WDR35: variants seen among roughly 807,000 people sequenced by gnomAD.
The protein encoded by WDR35 is WD repeat domain 35, also known as WD repeat-containing protein 35.
A neutral mutation model predicts 158.3 loss-of-function variants in WDR35; 118 were observed. That is an observed-to-expected ratio of 0.75 (90% confidence interval 0.64 to 0.87). The LOEUF (loss-of-function observed/expected upper bound fraction) is 0.87, where lower values mean the gene tolerates loss of function less well. Ranked by LOEUF, WDR35 falls within the 40% of genes least tolerant of loss-of-function variation. The pLI is 0.00. For missense variants in WDR35, 1,263 were observed against 1,405.8 expected (o/e 0.90, Z 1.62); for synonymous variants, 448 against 476.1 (o/e 0.94, Z 0.77).
At chr2:19,970,411 C>T (rs1672002453) in intron 8 of WDR35, among the ~76,000 whole-genome samples, 1 of 152,158 alleles carries the variant, frequency 6.6e-6, no homozygotes, top group African/African-American at 2.4e-5. Flanking sequence ...TAATGGACTG[C>T]ATTGTGGTAA....
rs990257046 is a variant in WDR35 at position 19,911,653 on chromosome 2, T to C, written c.*1905A>G. The C allele has an allele frequency of 7.9e-5, 12 of 152,198 alleles. No homozygotes were observed. Among genetic ancestry groups the C allele is most frequent in the African/African-American group, 2.7e-4 (11 of 41,444 alleles). 9.4% of individuals were successfully genotyped at this position (152,198 alleles called of 1,614,324 possible). On this transcript the variant is annotated 3_prime_UTR_variant, in exon 27 of 27. Transcript: ENST00000281405. ...TAAGTTAGTAACCTAGGAGACTTAT[T>C]AGGCAAAGTTAATAGAGCGTGTATG...
In WDR35 at chr2:19,976,688, C is replaced by CTTTT. The variant is rs34211947; in HGVS notation, c.437-1029_437-1026dup. On this transcript the variant is annotated intron_variant, in intron 5 of 26. Transcript: ENST00000281405. ...GGCCTGTTGCTAAAGCCAATTGATA[C>CTTTT]TTTTTTTTTTTTTTTTTTACCACTC... 1.2e-3 allele frequency among the ~76,000 whole-genome samples: 170 copies of CTTTT among 139,432 alleles called. 1 individual carries two copies. Among genetic ancestry groups the CTTTT allele is most frequent in the African/African-American group, 4.3e-3 (162 of 37,484 alleles). 91.5% of individuals were successfully genotyped at this position (139,432 alleles called of 152,430 possible).
intron 6 of WDR35, 62 bp from the exon 7 acceptor site, chr2:19,974,695 ACTC>A (rs1672150548): frequency 1.4e-6 from 2 of 1,477,022 alleles, no homozygotes; most frequent in Admixed American, 3.9e-5. Flanking sequence ...TAGAGACAAT[ACTC>A]AATAGAGTAT....
chr2:19,918,316 A>G (rs1289697975), intron 25 of WDR35, among the ~76,000 whole-genome samples: 1 of 152,258 alleles, frequency 6.6e-6, no homozygotes, highest in African/African-American at 2.4e-5. Context: ...CATCGAAGCT[A>G]TGAAGAAACT....
chr2:19,926,822 G>A (rs2103392102), intron 25 of WDR35, among the ~76,000 whole-genome samples: 1 of 152,332 alleles, frequency 6.6e-6, no homozygotes, highest in South Asian at 2.1e-4. Context: ...AAAATCAACA[G>A]CCGATTTGGA....
At chr2:19,926,908 C>A (rs1670372432) in intron 25 of WDR35, among the ~76,000 whole-genome samples, 1 of 152,124 alleles carries the variant, frequency 6.6e-6, no homozygotes, top group Middle Eastern at 3.4e-3. Flanking sequence ...CGAGGACCCC[C>A]CCCACCCTGT....
At chr2:19,965,907 G>T (rs1359250979) in intron 10 of WDR35, among the ~76,000 whole-genome samples, 3 of 152,168 alleles carry the variant, frequency 2.0e-5, no homozygotes, top group Non-Finnish European at 4.4e-5. Context: ...TAAGCCAGTT[G>T]CCTCTGTTTT....
chr2:19,916,030 A>G (rs1669981688), intron 25 of WDR35, among the ~76,000 whole-genome samples: 1 of 151,870 alleles, frequency 6.6e-6, no homozygotes, highest in Non-Finnish European at 1.5e-5. Flanking sequence ...TGATTTCCGC[A>G]TTTCCAACTG....
rs1572341696 is a variant in WDR35, at chr2:19,951,325, A to C, written c.1470+90T>G. The C allele has an allele frequency of 1.7e-6, 2 of 1,187,826 alleles. 1 individual carries two copies. Among genetic ancestry groups the C allele is most frequent in the South Asian group, 2.8e-5 (2 of 70,702 alleles). 73.6% of individuals were successfully genotyped at this position (1,187,826 alleles called of 1,614,324 possible). A position where few individuals can be genotyped will look rare whatever the true frequency, so the allele number is the denominator to read the frequency against. On this transcript the variant is annotated intron_variant, in intron 13 of 26. Transcript: ENST00000281405. Reference sequence around the variant, plus strand: ...GCTAAAATAATATCCTATTCACTGGAAACAAATTATTTTTCAGGTTTCAAA... The same window carrying C: ...GCTAAAATAATATCCTATTCACTGGCAACAAATTATTTTTCAGGTTTCAAA...
rs566311403 is a variant in WDR35 at position 19,989,872 on chromosome 2, C to T, written c.24+120G>A. The stretch of plus-strand genomic sequence containing the variant: ...CTGGACCCGGCGGGAAGGATGGCTG[C>T]GGAATGGCGAAGCCACGACCAGGAC... On this transcript the variant is annotated intron_variant, in intron 1 of 26. Transcript: ENST00000281405. 1.9e-5 allele frequency: 28 copies of T among 1,504,068 alleles called. No homozygotes were observed. In the South Asian group the frequency reaches 2.3e-4, roughly 12 times the overall value. 93.2% of individuals were successfully genotyped at this position (1,504,068 alleles called of 1,614,324 possible). A position where few individuals can be genotyped will look rare whatever the true frequency, so the allele number is the denominator to read the frequency against.
intron 13 of WDR35, 79 bp downstream of exon 13, chr2:19,951,336 T>G: frequency 8.0e-7 from 1 of 1,254,942 alleles, no homozygotes. Context: ...AACAAATTAT[T>G]TTTCAGGTTT....
At chr2:19,935,398 T>C in intron 21 of WDR35, 73 bp downstream of exon 21, 3 of 1,518,274 alleles carry the variant, frequency 2.0e-6, no homozygotes, top group Non-Finnish European at 2.7e-6. Context: ...TTGTGGGAGA[T>C]ATTTCCTGAC....
At chr2:19,941,113 A>G (rs1670858171) in intron 17 of WDR35, among the ~76,000 whole-genome samples, 1 of 152,198 alleles carries the variant, frequency 6.6e-6, no homozygotes, top group Admixed American at 6.5e-5. Context: ...ATCTCAATTC[A>G]AAAACTATAT....
At chr2:19,938,891 T>C (rs1015943951) in intron 17 of WDR35, among the ~76,000 whole-genome samples, 5 of 152,172 alleles carry the variant, frequency 3.3e-5, no homozygotes, top group Non-Finnish European at 7.4e-5. Context: ...TACTTATCCA[T>C]CTCCTCAACT....
intron 6 of WDR35, among the ~76,000 whole-genome samples, chr2:19,974,992 A>G (rs1672159834): frequency 6.6e-6 from 1 of 152,240 alleles, no homozygotes; most frequent in Admixed American, 6.5e-5. Flanking sequence ...CTGCCCCACC[A>G]GTAATCATAC....
Position 19,954,992 on chromosome 2 carries a change from G to A in WDR35, c.1256-1014C>T, listed in dbSNP as rs532030776. Among the ~76,000 whole-genome samples, 54 of 152,148 alleles carry A rather than the reference G, an allele frequency of 3.5e-4. No individual in the cohort carries two copies. In the South Asian group the frequency reaches 4.8e-3, roughly 13 times the overall value. ...ACCTGGTTCAGAGTCTCACTCTGTC[G>A]CCCAGGCTGGAGTGCAGTGGTGTGA... On this transcript the variant is annotated intron_variant, in intron 11 of 26. Coordinates refer to ENST00000281405, the MANE Select transcript of WDR35 (RefSeq NM_020779.4).
intron 3 of WDR35, among the ~76,000 whole-genome samples, chr2:19,981,357 A>G (rs1448616219): frequency 1.3e-5 from 2 of 152,168 alleles, no homozygotes; most frequent in East Asian, 1.9e-4. Context: ...TCATATTACA[A>G]ATTAGGAAGT....
intron 2 of WDR35, among the ~76,000 whole-genome samples, chr2:19,986,799 G>T (rs953275242): frequency 6.6e-6 from 1 of 152,166 alleles, no homozygotes; most frequent in African/African-American, 2.4e-5. Context: ...TCTAGAGCAG[G>T]GAACTGAAAA....
chr2:19,941,433 T>TC (rs950966763), intron 17 of WDR35, among the ~76,000 whole-genome samples: 15 of 152,348 alleles, frequency 9.8e-5, no homozygotes, highest in Non-Finnish European at 1.8e-4. Flanking sequence ...TCATTTTTTT[T>TC]AGCTCTCACT....
Sources: gnomAD v4.1 joint callset for allele counts (sites outside exome capture counted in the v4.1 genomes callset) on GRCh38, gnomAD v4.1.1 for gene constraint, MANE v1.5 for transcripts, NCBI Gene and HGNC (gene_info 2026-07-23, HGNC 2026-07-21) for gene names.